The following RFFL variants were observed in gnomAD, a reference collection of about 807,000 sequenced individuals.
RFFL encodes the protein ring finger and FYVE like domain containing E3 ubiquitin protein ligase.
In RFFL, 16 loss-of-function variants were observed where a neutral mutation model predicts 40.4. The observed-to-expected ratio is 0.40, with a 90% CI of 0.27 to 0.60. RFFL has a LOEUF of 0.60. RFFL is among the 20% of genes least tolerant of loss of function. RFFL has a pLI of 0.47. For synonymous variants in RFFL, 154 were observed against 167.9 expected, an observed-to-expected ratio of 0.92 and a Z score of 0.64; for missense variants, 367 against 451.7, an observed-to-expected ratio of 0.81 and a Z score of 1.70.
chr17:35,039,423 T>C (rs983979781), intron 1 of RFFL, among the ~76,000 whole-genome samples: 1 of 151,602 alleles, frequency 6.6e-6, no homozygotes, highest in Admixed American at 6.6e-5. Context: ...TTTCACCATG[T>C]TGGGCAGGAT....
At chr17:35,070,165 T>C (rs986164317) in intron 1 of RFFL, among the ~76,000 whole-genome samples, 12 of 152,106 alleles carry the variant, frequency 7.9e-5, no homozygotes, top group Admixed American at 7.9e-4. Flanking sequence ...TATGCTATTT[T>C]AGCTGGGTTT....
intron 2 of RFFL, among the ~76,000 whole-genome samples, chr17:35,023,588 A>G (rs1256788847): frequency 6.6e-6 from 1 of 152,212 alleles, no homozygotes; most frequent in Non-Finnish European, 1.5e-5. Context: ...AAGCTTTTCT[A>G]TTGGGAAATG....
At chr17:35,050,788 C>T (rs2091227611) in intron 1 of RFFL, among the ~76,000 whole-genome samples, 1 of 152,172 alleles carries the variant, frequency 6.6e-6, no homozygotes, top group Non-Finnish European at 1.5e-5. Flanking sequence ...GCCTGACCAA[C>T]ATGTAGAAAC....
intron 1 of RFFL, among the ~76,000 whole-genome samples, chr17:35,079,797 T>C (rs1597845584): frequency 1.3e-5 from 2 of 152,190 alleles, no homozygotes; most frequent in East Asian, 1.9e-4. Context: ...TTTGACAAGC[T>C]GAGAATATTC....
intron 1 of RFFL, among the ~76,000 whole-genome samples, chr17:35,087,050 C>T (rs542172527): frequency 6.6e-6 from 1 of 152,278 alleles, no homozygotes; most frequent in African/African-American, 2.4e-5. Flanking sequence ...CTAAAAACGC[C>T]TTTTCCACAA....
intron 1 of RFFL, among the ~76,000 whole-genome samples, chr17:35,035,991 C>A (rs911200510): frequency 6.6e-6 from 1 of 152,046 alleles, no homozygotes; most frequent in Non-Finnish European, 1.5e-5. Flanking sequence ...GCATGAGCAC[C>A]ATGCCCGGCC....
intron 1 of RFFL, among the ~76,000 whole-genome samples, chr17:35,076,213 C>T (rs1234754236): frequency 6.6e-6 from 1 of 151,352 alleles, no homozygotes; most frequent in Non-Finnish European, 1.5e-5. Context: ...AGGCTGGTCT[C>T]GAATTCCTGA....
intron 1 of RFFL, among the ~76,000 whole-genome samples, chr17:35,052,559 T>C (rs547497923): frequency 6.6e-6 from 1 of 151,360 alleles, no homozygotes; most frequent in East Asian, 1.9e-4. Context: ...CACAGGTTAA[T>C]AGAAAAGAAA....
In RFFL at chr17:35,026,468, T is replaced by C. The variant is rs1308530593; in HGVS notation, c.86A>G (p.Tyr29Cys). 4 of 1,613,324 alleles carry C rather than the reference T, an allele frequency of 2.5e-6. No individual in the cohort carries two copies. The highest frequency in any genetic ancestry group is 1.3e-5 in the African/African-American group (1 of 75,002). The change falls in exon 2 of 7, where the codon TAT (tyrosine) becomes TGT (cysteine). Residue 29 changes from tyrosine to cysteine, a missense_variant. Physicochemically the swap from Tyr to Cys is radical, Grantham distance 194. Transcript: ENST00000394597. Reference protein sequence around the residue: ...PPPQGARMQAYSNPGYSSFPS... With the variant: ...PPPQGARMQACSNPGYSSFPS... ...GAAGGAGCTGTACCCAGGGTTGGAATAGGCCTGCATCCTGGCTCCCTGGGG... is the reference window on the plus strand; with the variant it reads ...GAAGGAGCTGTACCCAGGGTTGGAACAGGCCTGCATCCTGGCTCCCTGGGG...
Position 35,021,801 on chromosome 17 carries a change from C to A in RFFL, c.181-20G>T. On this transcript the variant is annotated intron_variant, in intron 2 of 6. Transcript: ENST00000394597. ...GGTCTGCTGCTTAGAGCAAAAGACA[C>A]AGGAAACCATGTCAGATTGAGAGAA... The A allele has an allele frequency of 6.2e-7, 1 of 1,613,814 alleles. No individual in the cohort carries two copies. The highest frequency in any genetic ancestry group is 1.1e-5 in the South Asian group (1 of 91,074).
intron 1 of RFFL, among the ~76,000 whole-genome samples, chr17:35,028,020 C>T (rs1372504267): frequency 6.9e-6 from 1 of 144,514 alleles, no homozygotes; most frequent in African/African-American, 2.6e-5. Context: ...GTGACAAGAG[C>T]AAAACTCCAT....
intron 1 of RFFL, among the ~76,000 whole-genome samples, chr17:35,036,786 TC>T (rs1278924714): frequency 1.3e-5 from 2 of 152,222 alleles, no homozygotes; most frequent in African/African-American, 4.8e-5. Flanking sequence ...TAATGTGATT[TC>T]TACCTATTAA....
At chr17:35,074,511 G>A (rs1249426710) in intron 1 of RFFL, 1 of 152,126 alleles carries the variant, frequency 6.6e-6, no homozygotes, top group African/African-American at 2.4e-5. Flanking sequence ...TGAGGCAGCT[G>A]TCACCCAGTA....
In RFFL at chr17:35,016,577, T is replaced by C. The variant is rs148216149; in HGVS notation, c.679A>G (p.Ile227Val). 100 of 1,613,142 alleles carry C rather than the reference T, an allele frequency of 6.2e-5. No individual in the cohort carries two copies. The highest frequency in any genetic ancestry group is 1.6e-4 in the Middle Eastern group (1 of 6,082). The change falls in exon 5 of 7, where the codon ATT (isoleucine) becomes GTT (valine). Residue 227 changes from isoleucine to valine, a missense_variant. Ile to Val is a conservative substitution (Grantham distance 29). Transcript: ENST00000394597. Reference sequence around the variant, plus strand: ...GGGACAAAGCTGTCCTCTGAGTCAATAGACTGCAATGACAAAGATGAGATC... The same window carrying C: ...GGGACAAAGCTGTCCTCTGAGTCAACAGACTGCAATGACAAAGATGAGATC... ...RVPAEDETQSIDSEDSFVPGR... is the reference protein window; with the variant it reads ...RVPAEDETQSVDSEDSFVPGR...
chr17:35,075,475 CT>C (rs2091371214), intron 1 of RFFL, among the ~76,000 whole-genome samples: 1 of 152,176 alleles, frequency 6.6e-6, no homozygotes, highest in Non-Finnish European at 1.5e-5. Flanking sequence ...ATTTAGACAG[CT>C]GTGTTAGGAG....
intron 1 of RFFL, among the ~76,000 whole-genome samples, chr17:35,061,616 C>T (rs867589478): frequency 2.0e-5 from 3 of 150,194 alleles, no homozygotes; most frequent in South Asian, 2.1e-4. Flanking sequence ...GGCCACCATG[C>T]GTGGCGTGCC....
chr17:35,026,274 A>C (rs997148006), intron 2 of RFFL, 100 bp downstream of exon 2: 12 of 1,202,882 alleles, frequency 1.0e-5, no homozygotes, highest in Non-Finnish European at 1.4e-5. Context: ...CCAGCATCAC[A>C]CAGGGAAAGG....
chr17:35,035,574 T>C (rs1410927735), intron 1 of RFFL, among the ~76,000 whole-genome samples: 4 of 151,684 alleles, frequency 2.6e-5, no homozygotes, highest in African/African-American at 9.7e-5. Flanking sequence ...ACCTGCTCAG[T>C]CTAACAGAAC....
At chr17:35,026,308 G>T in intron 2 of RFFL, 66 bp downstream of exon 2, 2 of 1,506,564 alleles carry the variant, frequency 1.3e-6, no homozygotes, top group Non-Finnish European at 1.8e-6. Context: ...ATTCAGAGGG[G>T]TCAGTGGCGC....
Sources: gnomAD v4.1 joint callset for allele counts (sites outside exome capture counted in the v4.1 genomes callset) on GRCh38, gnomAD v4.1.1 for gene constraint, MANE v1.5 for transcripts, NCBI Gene and HGNC (gene_info 2026-07-23, HGNC 2026-07-21) for gene names.